Variants in HPSE2 observed in about 807,000 individuals in gnomAD.
The protein encoded by HPSE2 is heparanase 2 (inactive).
HPSE2 carries 38 observed loss-of-function variants against 60.5 expected under a neutral mutation model. The observed-to-expected ratio is 0.63, with a 90% CI of 0.48 to 0.82. The LOEUF (loss-of-function observed/expected upper bound fraction) is 0.82, where lower values mean the gene tolerates loss of function less well. HPSE2 is among the 40% of genes least tolerant of loss of function. The pLI is 0.00. For missense variants in HPSE2, 713 were observed against 740.4 expected (o/e 0.96, Z 0.43); for synonymous variants, 295 against 293.2 (o/e 1.01, Z -0.06).
chr10:98,970,111 G>A (rs927017862), intron 3 of HPSE2, among the ~76,000 whole-genome samples: 9 of 151,912 alleles, frequency 5.9e-5, no homozygotes, highest in Non-Finnish European at 1.0e-4. Context: ...ACAGGTGCCC[G>A]CCACCACACC....
chr10:98,985,597 A>C (rs939158670), intron 3 of HPSE2, among the ~76,000 whole-genome samples: 6 of 152,308 alleles, frequency 3.9e-5, no homozygotes, highest in East Asian at 3.9e-4. Context: ...CGAGCAAAAT[A>C]ACCAGCTAAC....
chr10:99,053,719 CTTTTTTTTTTTTTTT>C (rs11301458), intron 3 of HPSE2, among the ~76,000 whole-genome samples: 1 of 57,784 alleles, frequency 1.7e-5, no homozygotes, highest in Non-Finnish European at 2.9e-5. Flanking sequence ...GAGTTACAGT[CTTTTTTTTTTTTTTT>C]TTTTTTTTTT....
intron 9 of HPSE2, among the ~76,000 whole-genome samples, chr10:98,505,426 A>G (rs1245972409): frequency 2.0e-5 from 3 of 152,194 alleles, no homozygotes; most frequent in Non-Finnish European, 2.9e-5. Context: ...ATACAGGTAT[A>G]TGTATGACAC....
intron 2 of HPSE2, among the ~76,000 whole-genome samples, chr10:99,159,005 C>T (rs571361722): frequency 6.6e-5 from 10 of 152,120 alleles, no homozygotes; most frequent in African/African-American, 2.4e-4. Flanking sequence ...ACAGTTTAAA[C>T]AGTGCTTAGA....
chr10:98,863,729 A>C (rs1363825256), intron 3 of HPSE2, among the ~76,000 whole-genome samples: 2 of 152,198 alleles, frequency 1.3e-5, no homozygotes, highest in African/African-American at 4.8e-5. Context: ...GTGTGTTTAC[A>C]AACCTTATAT....
intron 2 of HPSE2, among the ~76,000 whole-genome samples, chr10:99,170,979 G>C (rs1847286210): frequency 6.6e-6 from 1 of 152,124 alleles, no homozygotes. Flanking sequence ...GAGATTATTT[G>C]AAGTATACAG....
At chr10:99,160,902 A>G (rs1389613286) in intron 2 of HPSE2, among the ~76,000 whole-genome samples, 1 of 149,608 alleles carries the variant, frequency 6.7e-6, no homozygotes, top group African/African-American at 2.4e-5. Context: ...CCGTCTCAAA[A>G]AAAAAAAAAA....
intron 3 of HPSE2, among the ~76,000 whole-genome samples, chr10:99,092,575 A>G (rs1313868033): frequency 6.6e-6 from 1 of 152,204 alleles, no homozygotes; most frequent in Admixed American, 6.5e-5. Flanking sequence ...ACTTCAAAAT[A>G]TCTGCAAGCA....
intron 2 of HPSE2, among the ~76,000 whole-genome samples, chr10:99,212,100 G>A (rs1373768343): frequency 6.6e-6 from 1 of 152,140 alleles, no homozygotes; most frequent in African/African-American, 2.4e-5. Flanking sequence ...CTGATTATCA[G>A]GGAAATGCAA....
At position 99,170,840 on chromosome 10, in the gene HPSE2, C is replaced by T. The variant is rs1218488088; in HGVS notation, c.449-26441G>A. On this transcript the variant is annotated intron_variant, in intron 2 of 11. Transcript: ENST00000370552. ...TTTTGTGTCTGTTGATTCAACCAACCACTGATCGAAAACATTTTTTAATTG... is the reference window on the plus strand; with the variant it reads ...TTTTGTGTCTGTTGATTCAACCAACTACTGATCGAAAACATTTTTTAATTG... Among the ~76,000 whole-genome samples, 3 of 152,278 alleles carry T rather than the reference C, an allele frequency of 2.0e-5. No individual in the cohort carries two copies. In the East Asian group the frequency reaches 5.8e-4, roughly 29 times the overall value.
At chr10:98,736,224 T>TA (rs1949355115) in intron 4 of HPSE2, among the ~76,000 whole-genome samples, 1 of 151,506 alleles carries the variant, frequency 6.6e-6, no homozygotes, top group South Asian at 2.1e-4. Context: ...TTTTTTTTTT[T>TA]ATTCAGTTCT....
chr10:99,134,807 T>A (rs1845579010), intron 3 of HPSE2, among the ~76,000 whole-genome samples: 2 of 152,096 alleles, frequency 1.3e-5, no homozygotes, highest in Non-Finnish European at 2.9e-5. Flanking sequence ...AGAAACTGCA[T>A]CAACTAATGG....
At chr10:98,653,278 A>G (rs1030281165) in intron 6 of HPSE2, among the ~76,000 whole-genome samples, 1 of 152,078 alleles carries the variant, frequency 6.6e-6, no homozygotes, top group Non-Finnish European at 1.5e-5. Flanking sequence ...ACATATGGTT[A>G]AGTTTGTTTT....
chr10:98,704,784 T>G (rs1948503224), intron 5 of HPSE2, among the ~76,000 whole-genome samples: 1 of 152,094 alleles, frequency 6.6e-6, no homozygotes, highest in Non-Finnish European at 1.5e-5. Flanking sequence ...GACTTAAATG[T>G]AAAACCCCAA....
At chr10:98,656,083 T>G (rs1947053786) in intron 6 of HPSE2, among the ~76,000 whole-genome samples, 1 of 98,288 alleles carries the variant, frequency 1.0e-5, no homozygotes, top group South Asian at 3.5e-4. Flanking sequence ...CCTATTTGAG[T>G]TTTTTTTTTT....
chr10:98,545,622 G>T (rs534832312), intron 9 of HPSE2, among the ~76,000 whole-genome samples: 103 of 152,146 alleles, frequency 6.8e-4, no homozygotes, highest in East Asian at 1.7e-3. Context: ...TGCTAAAAAC[G>T]CTCAATAAAT....
chr10:98,543,932 G>C (rs1478265105), intron 9 of HPSE2, among the ~76,000 whole-genome samples: 1 of 150,714 alleles, frequency 6.6e-6, no homozygotes, highest in Non-Finnish European at 1.5e-5. Flanking sequence ...AAGACAGAAA[G>C]TTAACAAGGA....
chr10:99,111,936 G>T (rs1844478627), intron 3 of HPSE2, among the ~76,000 whole-genome samples: 1 of 152,152 alleles, frequency 6.6e-6, no homozygotes, highest in Non-Finnish European at 1.5e-5. Context: ...TGTACATATT[G>T]AAGTATAACT....
At chr10:99,113,134 A>G (rs1844539077) in intron 3 of HPSE2, among the ~76,000 whole-genome samples, 1 of 152,236 alleles carries the variant, frequency 6.6e-6, no homozygotes, top group Non-Finnish European at 1.5e-5. Flanking sequence ...GTAACAATAT[A>G]ACAATGACAA....
Sources: gnomAD v4.1 joint callset for allele counts (sites outside exome capture counted in the v4.1 genomes callset) on GRCh38, gnomAD v4.1.1 for gene constraint, MANE v1.5 for transcripts, NCBI Gene and HGNC (gene_info 2026-07-23, HGNC 2026-07-21) for gene names.